CSMD1: variants seen among roughly 807,000 people sequenced by gnomAD.
The protein encoded by CSMD1 is CUB and Sushi multiple domains 1.
CSMD1 carries 213 observed loss-of-function variants against 417.5 expected under a neutral mutation model. That is an observed-to-expected ratio of 0.51 (90% confidence interval 0.46 to 0.57). The LOEUF is 0.57. CSMD1 is among the 20% of genes least tolerant of loss of function. CSMD1 has a pLI of 0.00. For synonymous variants in CSMD1, 2,862 were observed against 1,736.8 expected (o/e 1.65, Z -16.11); for missense variants, 6,923 against 4,529.7 (o/e 1.53, Z -15.17).
intron 23 of CSMD1, among the ~76,000 whole-genome samples, chr8:3,328,715 A>G (rs1806696052): frequency 6.6e-6 from 1 of 152,222 alleles, no homozygotes; most frequent in Admixed American, 6.5e-5. Context: ...TTCATGTGAA[A>G]CCGACAAGAC....
At chr8:3,438,076 AG>A (rs1204923488) in intron 12 of CSMD1, among the ~76,000 whole-genome samples, 5 of 152,272 alleles carry the variant, frequency 3.3e-5, no homozygotes, top group Non-Finnish European at 7.3e-5. Context: ...TTTACCCAGT[AG>A]AAAAGCTTCA....
At chr8:4,584,369 C>T (rs2725030) in intron 2 of CSMD1, among the ~76,000 whole-genome samples, 50,925 of 151,686 alleles carry the variant, frequency 0.34, 8,699 homozygotes, top group African/African-American at 0.37. Flanking sequence ...AGCATCAGAC[C>T]CCTTTCGCTT....
At chr8:3,622,973 G>C (rs1185734973) in intron 7 of CSMD1, among the ~76,000 whole-genome samples, 1 of 152,128 alleles carries the variant, frequency 6.6e-6, no homozygotes, top group Non-Finnish European at 1.5e-5. Context: ...TATCTTTTCA[G>C]ATCTCATAGA....
chr8:3,117,420 T>G (rs753348473), intron 42 of CSMD1, among the ~76,000 whole-genome samples: 1 of 152,182 alleles, frequency 6.6e-6, no homozygotes, highest in Non-Finnish European at 1.5e-5. Context: ...ATATGCTTCT[T>G]TTACTTCTTC....
intron 3 of CSMD1, among the ~76,000 whole-genome samples, chr8:4,414,055 C>T (rs750271932): frequency 2.0e-5 from 3 of 151,932 alleles, no homozygotes; most frequent in Non-Finnish European, 4.4e-5. Flanking sequence ...CATTTCTATC[C>T]TGCCAGGTGC....
At chr8:4,319,178 A>G (rs964842275) in intron 3 of CSMD1, among the ~76,000 whole-genome samples, 1 of 152,172 alleles carries the variant, frequency 6.6e-6, no homozygotes, top group Non-Finnish European at 1.5e-5. Flanking sequence ...CTGTTAGTCA[A>G]TTTCCCCCAG....
At chr8:4,277,648 C>T (rs951293100) in intron 3 of CSMD1, among the ~76,000 whole-genome samples, 1 of 152,156 alleles carries the variant, frequency 6.6e-6, no homozygotes, top group African/African-American at 2.4e-5. Context: ...GCAGAAACAA[C>T]CTGTTTGTAT....
In CSMD1 at chr8:3,573,244, C is replaced by G. The variant is rs143594734; in HGVS notation, c.1344+1701G>C. Among the ~76,000 whole-genome samples, 537 of 152,290 alleles carry G rather than the reference C, an allele frequency of 3.5e-3. 2 individuals are homozygous for G. Among genetic ancestry groups the G allele is most frequent in the African/African-American group, 0.012 (507 of 41,558 alleles). On this transcript the variant is annotated intron_variant, in intron 10 of 69. Coordinates refer to ENST00000635120, the MANE Select transcript of CSMD1 (RefSeq NM_033225.6). ...TAAGGTAAATGCTATTACTATATCT[C>G]TTTGCCCAAATTCATGCAACTACTA... is the stretch of plus-strand genomic sequence containing the variant.
At chr8:3,363,351 G>T (rs1023578240) in intron 20 of CSMD1, among the ~76,000 whole-genome samples, 1 of 152,136 alleles carries the variant, frequency 6.6e-6, no homozygotes, top group South Asian at 2.1e-4. Context: ...GTCATTATGG[G>T]AAAGGAATAA....
At chr8:3,551,675 T>C (rs1475825964) in intron 10 of CSMD1, among the ~76,000 whole-genome samples, 2 of 151,550 alleles carry the variant, frequency 1.3e-5, no homozygotes, top group Non-Finnish European at 2.9e-5. Context: ...TATAGTTTCT[T>C]ACTCTATGTA....
rs573494968 is a variant in CSMD1 at position 3,616,728 on chromosome 8, C to G, written c.1079G>C (p.Arg360Thr). Residue 360 changes from arginine to threonine, a missense_variant, in exon 8 of 70, where the codon AGA becomes ACA. Coordinates refer to ENST00000635120, the MANE Select transcript of CSMD1 (RefSeq NM_033225.6). The stretch of plus-strand genomic sequence containing the variant: ...CTCTTACCTGAAGTCGGAACCTGCT[C>G]TTCTACCATTTTCTGGAATCCCAGG... The part of the protein sequence containing the change: ...PDPGIPENGR[R>T]AGSDFRVGAN... 7.4e-6 allele frequency: 12 copies of G among 1,611,710 alleles called. No homozygotes were observed. In the African/African-American group the frequency reaches 8.0e-5, roughly 11 times the overall value.
At chr8:4,915,316 T>C (rs1805978038) in intron 1 of CSMD1, among the ~76,000 whole-genome samples, 1 of 152,164 alleles carries the variant, frequency 6.6e-6, no homozygotes, top group Non-Finnish European at 1.5e-5. Flanking sequence ...CCCGTGTGGA[T>C]TTATTGCAAT....
intron 26 of CSMD1, among the ~76,000 whole-genome samples, chr8:3,249,215 T>C: frequency 6.6e-6 from 1 of 152,174 alleles, no homozygotes; most frequent in African/African-American, 2.4e-5. Context: ...GAGTTCTTTT[T>C]GTTGCTGCTG....
chr8:4,807,658 G>A (rs780579754), intron 1 of CSMD1, among the ~76,000 whole-genome samples: 13 of 152,206 alleles, frequency 8.5e-5, no homozygotes, highest in South Asian at 4.2e-4. Flanking sequence ...TACTGTACAT[G>A]CACACGTACA....
chr8:3,285,409 T>C (rs1324746315), intron 25 of CSMD1, among the ~76,000 whole-genome samples: 4 of 150,506 alleles, frequency 2.7e-5, no homozygotes, highest in East Asian at 3.9e-4. Context: ...TTTCTAGAGA[T>C]GGGATGTCGC....
chr8:4,507,996 A>G (rs566198622), intron 2 of CSMD1, among the ~76,000 whole-genome samples: 1 of 152,130 alleles, frequency 6.6e-6, no homozygotes, highest in South Asian at 2.1e-4. Context: ...GAACACAGAC[A>G]AAACTGAACG....
chr8:4,918,300 G>A (rs1035285823), intron 1 of CSMD1, among the ~76,000 whole-genome samples: 2 of 152,142 alleles, frequency 1.3e-5, no homozygotes, highest in Admixed American at 6.5e-5. Flanking sequence ...GTATTTATGA[G>A]CTTCGAAAAT....
chr8:3,286,081 GTTT>G (rs1244291462), intron 25 of CSMD1, among the ~76,000 whole-genome samples: 15 of 152,016 alleles, frequency 9.9e-5, no homozygotes, highest in Admixed American at 8.5e-4. Context: ...GAGGCGTTTG[GTTT>G]TTTGTCCTTG....
At chr8:3,825,138 G>T (rs910932175) in intron 5 of CSMD1, among the ~76,000 whole-genome samples, 1 of 152,144 alleles carries the variant, frequency 6.6e-6, no homozygotes, top group Non-Finnish European at 1.5e-5. Context: ...AAGCACAGGG[G>T]AGATTTCTCA....
Sources: allele counts gnomAD v4.1 joint callset (sites outside exome capture counted in the v4.1 genomes callset), GRCh38; gene constraint gnomAD v4.1.1; transcripts MANE v1.5; gene names NCBI Gene and HGNC (gene_info 2026-07-23, HGNC 2026-07-21).